Variants in RNF157 observed in about 807,000 individuals in gnomAD.
RNF157 encodes the protein ring finger protein 157.
In RNF157, 55 loss-of-function variants were observed where a neutral mutation model predicts 88.3. The ratio of observed to expected loss-of-function variants is 0.62; its 90% confidence interval spans 0.50 to 0.78. The LOEUF (loss-of-function observed/expected upper bound fraction) is 0.78. RNF157 is among the 30% of genes least tolerant of loss of function. The probability of loss-of-function intolerance (pLI) is 0.00; values close to 1 mark genes in which losing one functional copy is unlikely to be tolerated. For synonymous variants in RNF157, 334 were observed against 341.2 expected, an observed-to-expected ratio of 0.98 and a Z score of 0.23; for missense variants, 788 against 860.8, an observed-to-expected ratio of 0.92 and a Z score of 1.06.
chr17:76,157,236 G>A lies in RNF157; in HGVS notation c.1414-915C>T, dbSNP rs1253929816. Among the ~76,000 whole-genome samples, 5 of 152,244 alleles carry A rather than the reference G, an allele frequency of 3.3e-5. No homozygotes were observed. Among genetic ancestry groups the A allele is most frequent in the Non-Finnish European group, 5.9e-5 (4 of 68,040 alleles). On this transcript the variant is annotated intron_variant, in intron 13 of 18. Coordinates refer to ENST00000269391, the MANE Select transcript of RNF157 (RefSeq NM_052916.3). This position sits in a 1 kb window ranked among gnomAD's most constrained non-coding sequence, Gnocchi z 5.6. ...CCGCCTCGGCCTCCCAAAGTGCCGG[G>A]ATTCCAGGCGTGAGCCTCCGCGCCC...
intron 2 of RNF157, among the ~76,000 whole-genome samples, chr17:76,207,740 A>G (rs1252768640): frequency 6.6e-6 from 1 of 152,156 alleles, no homozygotes; most frequent in Non-Finnish European, 1.5e-5. Flanking sequence ...CTTTTGCTAG[A>G]GAGTGGAAGT....
chr17:76,240,117 T>C lies in RNF157; in HGVS notation c.88+36A>G. ...ACCCAGACCCCTGCCCCTGCCCCTC[T>C]CCCTCCTCGCGGCTGCGGCGCCCGC... On this transcript the variant is annotated intron_variant, in intron 1 of 18. Coordinates refer to ENST00000269391, the MANE Select transcript of RNF157 (RefSeq NM_052916.3). The surrounding 1 kb of genome is among the most constrained non-coding windows in gnomAD (Gnocchi z 4.4). 8.1e-7 allele frequency: 1 copy of C among 1,230,062 alleles called. No homozygotes were observed. The highest frequency in any genetic ancestry group is 1.0e-6 in the Non-Finnish European group (1 of 966,090). 76.2% of individuals were successfully genotyped at this position (1,230,062 alleles called of 1,614,324 possible).
chr17:76,212,974 T>C (rs775170745), intron 1 of RNF157, among the ~76,000 whole-genome samples: 2 of 152,220 alleles, frequency 1.3e-5, no homozygotes, highest in Non-Finnish European at 2.9e-5. Flanking sequence ...AGTAAAATCA[T>C]AGCAGGGAAA....
intron 1 of RNF157, among the ~76,000 whole-genome samples, chr17:76,221,302 T>G (rs980830110): frequency 1.3e-5 from 2 of 152,002 alleles, no homozygotes; most frequent in African/African-American, 4.8e-5. Context: ...TACAACAAAG[T>G]AGTCTTACCA....
intron 2 of RNF157, among the ~76,000 whole-genome samples, chr17:76,205,598 GCCTGTAGTCCCAGCTA>G (rs2069667557): frequency 6.6e-6 from 1 of 152,110 alleles, no homozygotes; most frequent in Non-Finnish European, 1.5e-5. Context: ...GGTGGTGTGT[GCCTGTAGTCCCAGCTA>G]CTTGGGAGGC....
At chr17:76,237,660 C>A (rs2070304205) in intron 1 of RNF157, among the ~76,000 whole-genome samples, 1 of 152,164 alleles carries the variant, frequency 6.6e-6, no homozygotes, top group South Asian at 2.1e-4. Flanking sequence ...GAGACCCTGG[C>A]CATACCAATT....
intron 2 of RNF157, among the ~76,000 whole-genome samples, chr17:76,198,612 C>A (rs1401159458): frequency 6.6e-6 from 1 of 152,238 alleles, no homozygotes; most frequent in Non-Finnish European, 1.5e-5. Context: ...ATTCCTTCTG[C>A]AGCCTGAGGT....
At chr17:76,185,604 G>A (rs1176744607) in intron 2 of RNF157, among the ~76,000 whole-genome samples, 3 of 151,694 alleles carry the variant, frequency 2.0e-5, no homozygotes, top group African/African-American at 7.3e-5. Flanking sequence ...CGAGTAGCTG[G>A]GACTACAGGC....
intron 1 of RNF157, among the ~76,000 whole-genome samples, chr17:76,233,049 T>C (rs1472245890): frequency 1.3e-5 from 2 of 152,076 alleles, no homozygotes; most frequent in African/African-American, 2.4e-5. Flanking sequence ...GCCTCCTGAG[T>C]AGCTGTGACT....
At position 76,176,609 on chromosome 17, in the gene RNF157, G is replaced by A. The variant is rs747894338; in HGVS notation, c.208-2819C>T. Among the ~76,000 whole-genome samples, 3 of 152,220 alleles carry A rather than the reference G, an allele frequency of 2.0e-5. No homozygotes were observed. The highest frequency in any genetic ancestry group is 7.2e-5 in the African/African-American group (3 of 41,456). ...TGCCATCACAACGGCTGCTGCAGGG[G>A]GGTCGCAGGGAGCAGACAGACAGCC... On this transcript the variant is annotated intron_variant, in intron 2 of 18. Coordinates refer to ENST00000269391, the MANE Select transcript of RNF157 (RefSeq NM_052916.3). The surrounding 1 kb of genome is among the most constrained non-coding windows in gnomAD (Gnocchi z 4.2).
rs1414938478 is a variant in RNF157 at position 76,195,029 on chromosome 17, A to C, written c.207+17335T>G. Among the ~76,000 whole-genome samples, 1 of 152,142 alleles carries C rather than the reference A, an allele frequency of 6.6e-6. No homozygotes were observed. The highest frequency in any genetic ancestry group is 1.5e-5 in the Non-Finnish European group (1 of 68,030). ...GACTCTGTCTCAAAAAAACAAAACA[A>C]AACACAAGAGCAGAGGGAATGGGAG... On this transcript the variant is annotated intron_variant, in intron 2 of 18. Transcript: ENST00000269391. This position sits in a 1 kb window ranked among gnomAD's most constrained non-coding sequence, Gnocchi z 4.4.
Position 76,176,425 on chromosome 17 carries a change from AT to A in RNF157, c.208-2636del, listed in dbSNP as rs1350633002. Among the ~76,000 whole-genome samples the A allele has an allele frequency of 1.3e-5, 2 of 151,932 alleles. No individual in the cohort carries two copies. The highest frequency in any genetic ancestry group is 1.9e-4 in the East Asian group (1 of 5,194). ...TAGGATCAGAGGCAAATTAAAAAAA[AT>A]TTTTTTTCTGCTCTTAGAGTTGTCT... On this transcript the variant is annotated intron_variant, in intron 2 of 18. Coordinates refer to ENST00000269391, the MANE Select transcript of RNF157 (RefSeq NM_052916.3). The surrounding 1 kb of genome is among the most constrained non-coding windows in gnomAD (Gnocchi z 4.2).
intron 2 of RNF157, among the ~76,000 whole-genome samples, chr17:76,180,981 G>A (rs1259417120): frequency 6.6e-6 from 1 of 152,042 alleles, no homozygotes; most frequent in Non-Finnish European, 1.5e-5. Context: ...TACAGTAGCC[G>A]ACTGAAAAAT....
At chr17:76,221,504 G>T (rs2069982572) in intron 1 of RNF157, among the ~76,000 whole-genome samples, 1 of 152,124 alleles carries the variant, frequency 6.6e-6, no homozygotes, top group African/African-American at 2.4e-5. Context: ...AGAATATATT[G>T]TAAGGGGGGA....
chr17:76,177,216 A>G (rs1044137020), intron 2 of RNF157, among the ~76,000 whole-genome samples: 2 of 151,876 alleles, frequency 1.3e-5, no homozygotes, highest in African/African-American at 4.8e-5. Context: ...TGCTCCACAG[A>G]GCCGGTGGAA....
intron 2 of RNF157, 69 bp downstream of exon 2, chr17:76,212,295 T>G (rs1657886258): frequency 8.8e-7 from 1 of 1,130,916 alleles, no homozygotes; most frequent in South Asian, 1.2e-5. Context: ...AACTGCAAAC[T>G]TATTTTTGTT....
rs568242062 is a variant in RNF157 at position 76,225,628 on chromosome 17, A to T, written c.89-13146T>A. 2.3e-3 allele frequency: 1,879 copies of T among 822,374 alleles called. 9 individuals carry two copies. Among genetic ancestry groups the T allele is most frequent in the South Asian group, 6.5e-3 (274 of 42,392 alleles). The allele number at this position is 822,374 out of a possible 1,614,324, so 50.9% of individuals were successfully genotyped here. A position where few individuals can be genotyped will look rare whatever the true frequency, so the allele number is the denominator to read the frequency against. On this transcript the variant is annotated intron_variant, in intron 1 of 18. Transcript: ENST00000269391. ...CATCTATGTCTGTATTTATGGCATG[A>T]CCTCATTGTTTTTAGTGGCCAAATA...
chr17:76,233,046 G>A (rs1419829156), intron 1 of RNF157, among the ~76,000 whole-genome samples: 2 of 151,854 alleles, frequency 1.3e-5, no homozygotes, highest in African/African-American at 2.4e-5. Flanking sequence ...TCAGCCTCCT[G>A]AGTAGCTGTG....
At chr17:76,155,058 C>A (rs1258724938) in intron 16 of RNF157, among the ~76,000 whole-genome samples, 194 bp downstream of exon 16, 4 of 152,262 alleles carry the variant, frequency 2.6e-5, no homozygotes, top group African/African-American at 9.6e-5. Flanking sequence ...GCCCCACTCA[C>A]TGGACAGTCC....
Sources: allele counts gnomAD v4.1 joint callset (sites outside exome capture counted in the v4.1 genomes callset), GRCh38; gene constraint gnomAD v4.1.1; non-coding constraint Gnocchi (gnomAD v3.1); transcripts MANE v1.5; gene names NCBI Gene and HGNC (gene_info 2026-07-23, HGNC 2026-07-21).